The following ALG6 variants were observed in gnomAD, a reference collection of about 807,000 sequenced individuals.
ALG6 encodes the protein ALG6 alpha-1,3-glucosyltransferase.
ALG6 carries 46 observed loss-of-function variants against 66.6 expected under a neutral mutation model. The observed-to-expected ratio is 0.69, with a 90% CI of 0.55 to 0.88. The LOEUF (loss-of-function observed/expected upper bound fraction) is 0.88. ALG6 is among the 40% of genes least tolerant of loss of function. The probability of loss-of-function intolerance (pLI) is 0.00; values close to 1 mark genes in which losing one functional copy is unlikely to be tolerated. For missense variants in ALG6, 505 were observed against 586.8 expected, an observed-to-expected ratio of 0.86 and a Z score of 1.44; for synonymous variants, 185 against 203.7, an observed-to-expected ratio of 0.91 and a Z score of 0.78.
intron 14 of ALG6, among the ~76,000 whole-genome samples, chr1:63,432,258 G>GTTT (rs139890401): frequency 6.7e-6 from 1 of 149,566 alleles, no homozygotes; most frequent in Non-Finnish European, 1.5e-5. Context: ...TTGGTCATGT[G>GTTT]TGTTTTTTTT....
At chr1:63,422,830 C>T (rs933430702) in intron 12 of ALG6, among the ~76,000 whole-genome samples, 1 of 151,898 alleles carries the variant, frequency 6.6e-6, no homozygotes, top group South Asian at 2.1e-4. Context: ...TGATGCATGC[C>T]TGTAATCCCA....
chr1:63,379,064 G>A lies in ALG6; in HGVS notation c.82+8005G>A, dbSNP rs11208200. On this transcript the variant is annotated intron_variant, in intron 2 of 14. Transcript: ENST00000263440. ...TTATGTTTCTTATCTAAAAATTCTCGTATCTGCATTCTGATTTCATAGTTT... is the reference window on the plus strand; with the variant it reads ...TTATGTTTCTTATCTAAAAATTCTCATATCTGCATTCTGATTTCATAGTTT... Among the ~76,000 whole-genome samples the A allele has an allele frequency of 8.5e-3, 1,294 of 151,922 alleles. 10 individuals are homozygous for A. The highest frequency in any genetic ancestry group is 0.03 in the African/African-American group (1,239 of 41,440).
chr1:63,435,425 T>G (rs1644672949), intron 14 of ALG6, among the ~76,000 whole-genome samples: 1 of 152,162 alleles, frequency 6.6e-6, no homozygotes, highest in South Asian at 2.1e-4. Context: ...TAAGCTTTCT[T>G]GGCGCCTATC....
chr1:63,403,622 G>A (rs889494438), intron 4 of ALG6, among the ~76,000 whole-genome samples: 1 of 152,110 alleles, frequency 6.6e-6, no homozygotes, highest in Non-Finnish European at 1.5e-5. Context: ...GTGTGGTTAG[G>A]TGATTTCATC....
At chr1:63,376,633 A>G (rs1161035594) in intron 2 of ALG6, among the ~76,000 whole-genome samples, 4 of 152,184 alleles carry the variant, frequency 2.6e-5, no homozygotes, top group Non-Finnish European at 4.4e-5. Context: ...GGCTTTAAAA[A>G]TTACCTTTTT....
chr1:63,423,409 A>G (rs954636429), intron 12 of ALG6, among the ~76,000 whole-genome samples: 57 of 152,328 alleles, frequency 3.7e-4, no homozygotes, highest in Middle Eastern at 3.4e-3. Context: ...TACATTGTCA[A>G]TTAGTACATT....
chr1:63,436,912 A>G lies in ALG6; in HGVS notation c.1416A>G (p.Val472=). The G allele has an allele frequency of 1.2e-6, 2 of 1,613,642 alleles. No homozygotes were observed. Among genetic ancestry groups the G allele is most frequent in the Non-Finnish European group, 1.7e-6 (2 of 1,179,764 alleles). ...AGAAACTACCGGACTTGTTTTCTGT[A>G]TTGGTGTGTTTTGTATCTTGCTTGA... is the stretch of plus-strand genomic sequence containing the variant. The part of the protein sequence containing the change: ...PPQKLPDLFS[V]LVCFVSCLNF... The change falls in exon 15 of 15, where the codon GTA becomes GTG. Residue 472 remains valine (V), a synonymous_variant. Coordinates refer to ENST00000263440, the MANE Select transcript of ALG6 (RefSeq NM_013339.4).
intron 9 of ALG6, 103 bp downstream of exon 9, chr1:63,412,164 C>T (rs897079000): frequency 2.6e-6 from 4 of 1,511,032 alleles, no homozygotes; most frequent in Non-Finnish European, 3.7e-6. Context: ...CAGCTACTTT[C>T]CTCCTGTAAT....
intron 12 of ALG6, among the ~76,000 whole-genome samples, chr1:63,425,068 C>A (rs1644608201): frequency 6.6e-6 from 1 of 152,198 alleles, no homozygotes; most frequent in South Asian, 2.1e-4. Flanking sequence ...GCGTGAGCCA[C>A]TGTGCCCAGT....
chr1:63,419,474 G>A (rs757297179), intron 12 of ALG6, 34 bp downstream of exon 12: 14 of 1,421,138 alleles, frequency 9.9e-6, no homozygotes, highest in Non-Finnish European at 1.4e-5. Context: ...GTGTTTATTT[G>A]TTTATAATAT....
chr1:63,396,715 G>C lies in ALG6; in HGVS notation c.167+118G>C, dbSNP rs1159923048. ...TGAACATCCTCATCTCTTGCATGCT[G>C]GTGCCACATATGTATTGCCTTGCAT... On this transcript the variant is annotated intron_variant, in intron 3 of 14. Coordinates refer to ENST00000263440, the MANE Select transcript of ALG6 (RefSeq NM_013339.4). 6 of 893,102 alleles carry C rather than the reference G, an allele frequency of 6.7e-6. No individual in the cohort carries two copies. The East Asian group carries it at 1.3e-4, about 20-fold the overall frequency. 55.3% of individuals were successfully genotyped at this position (893,102 alleles called of 1,614,324 possible).
intron 1 of ALG6, among the ~76,000 whole-genome samples, chr1:63,368,753 G>A (rs1018414452): frequency 1.3e-5 from 2 of 152,004 alleles, no homozygotes; most frequent in Non-Finnish European, 2.9e-5. Context: ...CACCTGCCTC[G>A]GCCTCCCAAA....
chr1:63,437,037 A>AT lies in ALG6; in HGVS notation c.*19dup, dbSNP rs761090862. The AT allele has an allele frequency of 1.1e-4, 181 of 1,605,642 alleles. No homozygotes were observed. The highest frequency in any genetic ancestry group is 5.4e-5 in the Non-Finnish European group (63 of 1,174,142). On this transcript the variant is annotated 3_prime_UTR_variant, in exon 15 of 15. Transcript: ENST00000263440. ...ATCAGCTAGCTGTATTCCTAAACAA[A>AT]TTGTTTCCTAAACAAATGTGAAAAT...
At position 63,412,031 on chromosome 1, in the gene ALG6, A is replaced by G; in HGVS notation, c.786A>G (p.Arg262=). Residue 262 remains arginine, a synonymous_variant, in exon 9 of 15, where the codon AGA becomes AGG. Coordinates refer to ENST00000263440, the MANE Select transcript of ALG6 (RefSeq NM_013339.4). The part of the protein sequence containing the change: ...EREQTLQVLR[R]LFPVDRGLFE... ...AACAAACCCTGCAGGTTCTAAGAAG[A>G]CTCTTCCCGGTTGATCGTGGATTAT... 6.2e-7 allele frequency: 1 copy of G among 1,613,840 alleles called. No homozygotes were observed. The highest frequency in any genetic ancestry group is 8.5e-7 in the Non-Finnish European group (1 of 1,179,958).
At chr1:63,421,056 A>T (rs1644570497) in intron 12 of ALG6, among the ~76,000 whole-genome samples, 1 of 144,590 alleles carries the variant, frequency 6.9e-6, no homozygotes, top group Non-Finnish European at 1.5e-5. Context: ...GACACTTATT[A>T]AAAAAAAAAA....
In ALG6 at chr1:63,398,424, C is replaced by G. The variant is rs148639414; in HGVS notation, c.167+1827C>G. On this transcript the variant is annotated intron_variant, in intron 3 of 14. Transcript: ENST00000263440. ...TAATACCGGACTTTTAAAATTGGCA[C>G]TTCCTTGAGTAATTGTGACCTGAGC... Among the ~76,000 whole-genome samples, 16 of 152,326 alleles carry G rather than the reference C, an allele frequency of 1.1e-4. No individual in the cohort carries two copies. The East Asian group carries it at 2.3e-3, about 22-fold the overall frequency.
At chr1:63,432,256 G>T (rs1398713100) in intron 14 of ALG6, among the ~76,000 whole-genome samples, 1 of 95,264 alleles carries the variant, frequency 1.0e-5, no homozygotes. Context: ...CTTTGGTCAT[G>T]TGTGTTTTTT....
intron 2 of ALG6, chr1:63,371,388 A>G (rs1463672575): frequency 2.0e-5 from 6 of 303,894 alleles, no homozygotes; most frequent in Non-Finnish European, 3.8e-5. Context: ...GTAGAGAAGC[A>G]TATTACTGGA....
rs1570094832 is a variant in ALG6 at position 63,433,809 on chromosome 1, TC to T, written c.1327-3012del. 6.6e-6 allele frequency among the ~76,000 whole-genome samples: 1 copy of T among 152,118 alleles called. No homozygotes were observed. Among genetic ancestry groups the T allele is most frequent in the Admixed American group, 6.5e-5 (1 of 15,272 alleles). ...TGGAGGTTGCATTCTAGTGGAGAAA[TC>T]CAGCACCAGCATATGTAAAATATAT... On this transcript the variant is annotated intron_variant, in intron 14 of 14. Coordinates refer to ENST00000263440, the MANE Select transcript of ALG6 (RefSeq NM_013339.4). This position sits in a 1 kb window ranked among gnomAD's most constrained non-coding sequence, Gnocchi z 4.2.
Sources: allele counts gnomAD v4.1 joint callset (sites outside exome capture counted in the v4.1 genomes callset), GRCh38; gene constraint gnomAD v4.1.1; non-coding constraint Gnocchi (gnomAD v3.1); transcripts MANE v1.5; gene names NCBI Gene and HGNC (gene_info 2026-07-23, HGNC 2026-07-21).